Variants in TCF4 observed in about 807,000 individuals in gnomAD.
TCF4 encodes the protein transcription factor 4.
TCF4 carries 3 observed loss-of-function variants against 82.1 expected under a neutral mutation model. The observed-to-expected ratio is 0.04, with a 90% CI of 0.02 to 0.09. The LOEUF is 0.09. Ranked by LOEUF, TCF4 falls within the 10% of genes least tolerant of loss-of-function variation. TCF4 has a pLI of 1.00. For synonymous variants in TCF4, 276 were observed against 309.6 expected, an observed-to-expected ratio of 0.89 and a Z score of 1.14; for missense variants, 518 against 852.7, an observed-to-expected ratio of 0.61 and a Z score of 4.89.
intron 8 of TCF4, among the ~76,000 whole-genome samples, chr18:55,287,807 TCTTCC>T (rs1330666526): frequency 6.6e-6 from 1 of 152,214 alleles, no homozygotes. Flanking sequence ...CCTTGTTCTT[TCTTCC>T]CTTCATCAAA....
intron 5 of TCF4, among the ~76,000 whole-genome samples, chr18:55,444,729 C>T (rs537928564): frequency 8.9e-4 from 136 of 152,260 alleles, no homozygotes; most frequent in African/African-American, 3.2e-3. Flanking sequence ...ATATTGTGTG[C>T]CAAATCTGCA....
intron 3 of TCF4, among the ~76,000 whole-genome samples, chr18:55,572,896 A>C (rs1298415458): frequency 6.6e-6 from 1 of 152,130 alleles, no homozygotes; most frequent in Non-Finnish European, 1.5e-5. Context: ...TCTACTAAAA[A>C]TACAAAATTA....
At chr18:55,516,171 T>C (rs1459394396) in intron 3 of TCF4, among the ~76,000 whole-genome samples, 2 of 152,062 alleles carry the variant, frequency 1.3e-5, no homozygotes, top group African/African-American at 2.4e-5. Flanking sequence ...GGACGTGAGT[T>C]TGGAAGTCTT....
At chr18:55,617,143 C>T (rs1043659707) in intron 2 of TCF4, among the ~76,000 whole-genome samples, 1 of 152,044 alleles carries the variant, frequency 6.6e-6, no homozygotes, top group African/African-American at 2.4e-5. Flanking sequence ...GGTCCAATGT[C>T]ATTCTTTTGT....
intron 6 of TCF4, among the ~76,000 whole-genome samples, chr18:55,396,912 A>G (rs909344591): frequency 5.3e-5 from 8 of 152,360 alleles, no homozygotes; most frequent in Non-Finnish European, 1.2e-4. Flanking sequence ...CTGCCCTTTT[A>G]TAGAAGAATA....
At chr18:55,399,853 A>ATCTCTCTCTCTCTCTCTC (rs35948563) in intron 6 of TCF4, among the ~76,000 whole-genome samples, 74 of 83,766 alleles carry the variant, frequency 8.8e-4, no homozygotes, top group Non-Finnish European at 1.3e-3. Context: ...CTCTCTCCCC[A>ATCTCTCTCTCTCTCTCTC]TCTCTCTCTC....
chr18:55,392,365 TC>T lies in TCF4; in HGVS notation c.369+11088del, dbSNP rs2093190638. 2.8e-5 allele frequency among the ~76,000 whole-genome samples: 4 copies of T among 145,302 alleles called. No homozygotes were observed. The South Asian group carries it at 6.5e-4, about 24-fold the overall frequency. ...CAGGCATGGTGGTGTGTACCTACAGTCCCAACTACTCAGAGGGCTGAGGTGG... is the reference window on the plus strand; with the variant it reads ...CAGGCATGGTGGTGTGTACCTACAGTCCAACTACTCAGAGGGCTGAGGTGG... On this transcript the variant is annotated intron_variant, in intron 6 of 19. Transcript: ENST00000354452.
At chr18:55,338,582 G>T (rs757182377) in intron 8 of TCF4, among the ~76,000 whole-genome samples, 1 of 152,200 alleles carries the variant, frequency 6.6e-6, no homozygotes, top group Non-Finnish European at 1.5e-5. Context: ...GTAAATGCTA[G>T]TAAGTAAACA....
rs905111725 is a variant in TCF4, at chr18:55,234,621, C to G, written c.1413G>C (p.Gln471His). 2 of 1,614,002 alleles carry G rather than the reference C, an allele frequency of 1.2e-6. No individual in the cohort carries two copies. The highest frequency in any genetic ancestry group is 1.7e-5 in the Admixed American group (1 of 59,976). ...LRGSHSLLPNQVPVPQLPVQS... is the reference protein window; with the variant it reads ...LRGSHSLLPNHVPVPQLPVQS... ...GGACAGGAAGCTGTGGAACCGGAAC[C>G]TGGTTTGGCAGAAGAGAATGGCTGC... The change falls in exon 16 of 20, where the codon CAG becomes CAC. Residue 471 changes from glutamine to histidine, a missense_variant. Physicochemically the swap from Gln to His is conservative, Grantham distance 24. Coordinates refer to ENST00000354452, the MANE Select transcript of TCF4 (RefSeq NM_001083962.2).
At chr18:55,525,856 T>G (rs2096977917) in intron 3 of TCF4, among the ~76,000 whole-genome samples, 1 of 152,170 alleles carries the variant, frequency 6.6e-6, no homozygotes, top group Admixed American at 6.6e-5. Context: ...CTTACCCCAG[T>G]TTCATGGAAG....
At chr18:55,544,802 G>C (rs1295537563) in intron 3 of TCF4, among the ~76,000 whole-genome samples, 1 of 151,946 alleles carries the variant, frequency 6.6e-6, no homozygotes, top group African/African-American at 2.4e-5. Flanking sequence ...GCACACCTAC[G>C]AGTTAACTCA....
chr18:55,598,418 G>T (rs932756474), intron 2 of TCF4, among the ~76,000 whole-genome samples: 1 of 152,066 alleles, frequency 6.6e-6, no homozygotes, highest in African/African-American at 2.4e-5. Flanking sequence ...TTTAAGTTCT[G>T]GGATACATGC....
At chr18:55,446,751 G>A (rs757102588) in intron 5 of TCF4, among the ~76,000 whole-genome samples, 17 of 152,046 alleles carry the variant, frequency 1.1e-4, no homozygotes, top group Non-Finnish European at 1.9e-4. Context: ...TTGGGAGGCC[G>A]AGGCAGGCGG....
At chr18:55,627,664 C>A (rs1048173656) in intron 2 of TCF4, among the ~76,000 whole-genome samples, 2 of 152,046 alleles carry the variant, frequency 1.3e-5, no homozygotes, top group African/African-American at 2.4e-5. Context: ...ACTCGGAAGG[C>A]TGAGGCAGGA....
intron 3 of TCF4, among the ~76,000 whole-genome samples, chr18:55,562,671 A>G (rs1417775424): frequency 6.6e-6 from 1 of 152,194 alleles, no homozygotes; most frequent in Non-Finnish European, 1.5e-5. Context: ...CACATTTTCC[A>G]TATCTATTTC....
At chr18:55,232,706 C>T in intron 16 of TCF4, 35 bp from the exon 17 acceptor site, 1 of 1,613,430 alleles carries the variant, frequency 6.2e-7, no homozygotes, top group Non-Finnish European at 8.5e-7. Context: ...ACATGTACAC[C>T]ACAATCTCAC....
intron 5 of TCF4, among the ~76,000 whole-genome samples, chr18:55,454,493 G>A (rs2095695733): frequency 6.6e-6 from 1 of 152,242 alleles, no homozygotes; most frequent in African/African-American, 2.4e-5. Flanking sequence ...ACTGATCTAT[G>A]CACAGAACTT....
intron 5 of TCF4, among the ~76,000 whole-genome samples, chr18:55,409,600 C>A (rs1434201618): frequency 1.3e-5 from 2 of 152,026 alleles, no homozygotes; most frequent in Non-Finnish European, 2.9e-5. Context: ...GAGCTGATGA[C>A]CTTTCAGAAC....
chr18:55,422,954 C>T (rs1374628922), intron 5 of TCF4, among the ~76,000 whole-genome samples: 2 of 151,866 alleles, frequency 1.3e-5, no homozygotes, highest in East Asian at 3.9e-4. Flanking sequence ...ACAAATTTCA[C>T]TTCCACTCTC....
Sources: gnomAD v4.1 joint callset for allele counts (sites outside exome capture counted in the v4.1 genomes callset) on GRCh38, gnomAD v4.1.1 for gene constraint, MANE v1.5 for transcripts, NCBI Gene and HGNC (gene_info 2026-07-23, HGNC 2026-07-21) for gene names.